Variants in RNF213 observed in about 807,000 individuals in gnomAD.
RNF213 encodes the protein ring finger protein 213.
Under a neutral mutation model 514.4 loss-of-function variants are expected in RNF213, and 341 were observed. That is an observed-to-expected ratio of 0.66 (90% confidence interval 0.61 to 0.73). The LOEUF (loss-of-function observed/expected upper bound fraction) is 0.73. RNF213 is among the 30% of genes least tolerant of loss of function. The probability of loss-of-function intolerance (pLI) is 0.00; values close to 1 mark genes in which losing one functional copy is unlikely to be tolerated. For synonymous variants in RNF213, 2,655 were observed against 2,658.2 expected, an observed-to-expected ratio of 1.00 and a Z score of 0.04; for missense variants, 5,767 against 6,615.6, an observed-to-expected ratio of 0.87 and a Z score of 4.45.
At chr17:80,286,932 C>T (rs1334706817) in intron 3 of RNF213, among the ~76,000 whole-genome samples, 5 of 152,200 alleles carry the variant, frequency 3.3e-5, no homozygotes, top group African/African-American at 1.2e-4. Flanking sequence ...TGCCTTTGAG[C>T]CTGGCTGTGC....
At chr17:80,384,120 C>T (rs565744147) in intron 59 of RNF213, among the ~76,000 whole-genome samples, 192 bp downstream of exon 59, 3 of 152,318 alleles carry the variant, frequency 2.0e-5, no homozygotes, top group Middle Eastern at 3.4e-3. Flanking sequence ...TTGCCAGAAG[C>T]GTAAAGTCAC....
rs2144698204 is a variant in RNF213, at chr17:80,395,703, G to A, written c.*2205G>A. The A allele has an allele frequency of 6.6e-6, 1 of 152,356 alleles. No homozygotes were observed. The highest frequency in any genetic ancestry group is 2.4e-5 in the African/African-American group (1 of 41,570). 9.4% of individuals were successfully genotyped at this position (152,356 alleles called of 1,614,324 possible). On this transcript the variant is annotated 3_prime_UTR_variant, in exon 68 of 68. Coordinates refer to ENST00000582970, the MANE Select transcript of RNF213 (RefSeq NM_001256071.3). ...CCCTGAGTCCACTTGCGGGGTAAGA[G>A]ATAAACAGTAACCCTTCCAGGAGCC...
chr17:80,357,059 C>T (rs1264071861), intron 36 of RNF213, among the ~76,000 whole-genome samples: 1 of 151,918 alleles, frequency 6.6e-6, no homozygotes, highest in Non-Finnish European at 1.5e-5. Context: ...GCTGGGATTA[C>T]AGGTGCCTGC....
chr17:80,262,723 T>A (rs2043467633), intron 1 of RNF213, among the ~76,000 whole-genome samples: 1 of 152,166 alleles, frequency 6.6e-6, no homozygotes, highest in Non-Finnish European at 1.5e-5. Flanking sequence ...TGGCATAGAT[T>A]AGTCTCCCAC....
At position 80,377,197 on chromosome 17, in the gene RNF213, T is replaced by C; in HGVS notation, c.13510+234T>C. The C allele has an allele frequency of 1.8e-6, 1 of 554,480 alleles. No homozygotes were observed. Among genetic ancestry groups the C allele is most frequent in the South Asian group, 2.0e-5 (1 of 50,760 alleles). The allele number at this position is 554,480 out of a possible 1,614,324, so 34.3% of individuals were successfully genotyped here. A position where few individuals can be genotyped will look rare whatever the true frequency, so the allele number is the denominator to read the frequency against. On this transcript the variant is annotated intron_variant, in intron 53 of 67. Transcript: ENST00000582970. The surrounding 1 kb of genome is among the most constrained non-coding windows in gnomAD (Gnocchi z 4.1). ...TTTGTCGTGTGGAAAAGGCCCTCTG[T>C]GATGCACTTCTGTTCTCTGGAATAT... is the stretch of plus-strand genomic sequence containing the variant.
chr17:80,357,493 G>A (rs760755990), intron 36 of RNF213, among the ~76,000 whole-genome samples: 3 of 152,072 alleles, frequency 2.0e-5, no homozygotes, highest in South Asian at 2.1e-4. Flanking sequence ...ATAAACATGT[G>A]CCTTCTTGTT....
intron 3 of RNF213, among the ~76,000 whole-genome samples, chr17:80,281,613 A>C (rs373923748): frequency 0.018 from 956 of 54,048 alleles, no homozygotes; most frequent in South Asian, 0.023. Context: ...GCCAACTCAC[A>C]CCACTCACAC....
intron 2 of RNF213, among the ~76,000 whole-genome samples, chr17:80,265,458 T>A (rs888972250): frequency 5.3e-5 from 8 of 152,250 alleles, no homozygotes; most frequent in Non-Finnish European, 8.8e-5. Flanking sequence ...ATTCACCACT[T>A]GTAAGAGGCC....
intron 23 of RNF213, chr17:80,336,655 G>A: frequency 2.3e-6 from 1 of 442,780 alleles, no homozygotes; most frequent in Non-Finnish European, 4.2e-6. Flanking sequence ...GTTGCCAGGA[G>A]TTTTCTCTGA....
chr17:80,375,593 C>T (rs1204451300), intron 50 of RNF213, among the ~76,000 whole-genome samples, 167 bp from the exon 51 acceptor site: 6 of 151,960 alleles, frequency 3.9e-5, no homozygotes, highest in African/African-American at 1.2e-4. Context: ...GTAGTCCCAG[C>T]TACTCGGGAG....
rs140509634 is a variant in RNF213, at chr17:80,278,590, A to G, written c.261+5186A>G. Reference sequence around the variant, plus strand: ...TTCGTCTTCCCACACCCTCCTGCCCATGGGCCCTGGAGGCAGACGGTGCTG... The same window carrying G: ...TTCGTCTTCCCACACCCTCCTGCCCGTGGGCCCTGGAGGCAGACGGTGCTG... On this transcript the variant is annotated intron_variant, in intron 3 of 67. Coordinates refer to ENST00000582970, the MANE Select transcript of RNF213 (RefSeq NM_001256071.3). Among the ~76,000 whole-genome samples the G allele has an allele frequency of 1.6e-3, 239 of 152,240 alleles. 1 individual carries two copies. The highest frequency in any genetic ancestry group is 5.2e-3 in the African/African-American group (216 of 41,568).
chr17:80,312,894 C>A, intron 14 of RNF213, 118 bp from the exon 15 acceptor site: 1 of 1,138,484 alleles, frequency 8.8e-7, no homozygotes, highest in Non-Finnish European at 1.3e-6. Flanking sequence ...GTCCCTCCAT[C>A]GTAGCCACTC....
At chr17:80,383,157 C>A in intron 58 of RNF213, 87 bp downstream of exon 58, 3 of 939,704 alleles carry the variant, frequency 3.2e-6, no homozygotes, top group Non-Finnish European at 5.2e-6. Flanking sequence ...TGCCTGTTGC[C>A]CCTCGTAGCG....
chr17:80,300,713 G>A (rs2045146265), intron 11 of RNF213, among the ~76,000 whole-genome samples: 1 of 151,798 alleles, frequency 6.6e-6, no homozygotes, highest in African/African-American at 2.4e-5. Flanking sequence ...CACCATGCCT[G>A]GCTAATTTTT....
rs1217583939 is a variant in RNF213 at position 80,264,083 on chromosome 17, G to C, written c.97+305G>C. Among the ~76,000 whole-genome samples, 1 of 152,202 alleles carries C rather than the reference G, an allele frequency of 6.6e-6. No individual in the cohort carries two copies. The highest frequency in any genetic ancestry group is 1.5e-5 in the Non-Finnish European group (1 of 68,036). On this transcript the variant is annotated intron_variant, in intron 2 of 67. Coordinates refer to ENST00000582970, the MANE Select transcript of RNF213 (RefSeq NM_001256071.3). The surrounding 1 kb of genome is among the most constrained non-coding windows in gnomAD (Gnocchi z 5.0). ...GAGTGGGAGGAGAGGGCAGGGCCAGGGCAGGGAGAGGACAAAACAAGAAGT... is the reference window on the plus strand; with the variant it reads ...GAGTGGGAGGAGAGGGCAGGGCCAGCGCAGGGAGAGGACAAAACAAGAAGT...
chr17:80,275,021 G>T (rs1280254226), intron 3 of RNF213, among the ~76,000 whole-genome samples: 1 of 135,240 alleles, frequency 7.4e-6, no homozygotes, highest in Non-Finnish European at 1.6e-5. Flanking sequence ...GTTGGTGTGT[G>T]AGTGGGGTGT....
chr17:80,338,760 C>T (rs1039208044), intron 25 of RNF213, among the ~76,000 whole-genome samples: 1 of 151,666 alleles, frequency 6.6e-6, no homozygotes, highest in South Asian at 2.1e-4. Flanking sequence ...ACCAGCCTGG[C>T]GATATGGTGA....
chr17:80,368,493 C>T (rs80129171), intron 44 of RNF213, among the ~76,000 whole-genome samples: 1 of 147,352 alleles, frequency 6.8e-6, no homozygotes, highest in African/African-American at 2.5e-5. Context: ...AGTACAGTGG[C>T]ACGATCTCAG....
chr17:80,383,556 C>T, intron 58 of RNF213, 121 bp from the exon 59 acceptor site: 1 of 990,110 alleles, frequency 1.0e-6, no homozygotes, highest in Non-Finnish European at 1.6e-6. Context: ...TGATTACATG[C>T]TCAGAGCAGG....
Sources: allele counts gnomAD v4.1 joint callset (sites outside exome capture counted in the v4.1 genomes callset), GRCh38; gene constraint gnomAD v4.1.1; non-coding constraint Gnocchi (gnomAD v3.1); transcripts MANE v1.5; gene names NCBI Gene and HGNC (gene_info 2026-07-23, HGNC 2026-07-21).